NEB: variants seen among roughly 807,000 people sequenced by gnomAD.
NEB encodes the protein nemaline myopathy type 2.
Under a neutral mutation model 952.2 loss-of-function variants are expected in NEB, and 512 were observed. That is an observed-to-expected ratio of 0.54 (90% CI 0.50 to 0.58). The LOEUF is 0.58. Ranked by LOEUF, NEB falls within the 20% of genes least tolerant of loss-of-function variation. NEB has a pLI of 0.00. For missense variants in NEB, 8,428 were observed against 9,231.1 expected, an observed-to-expected ratio of 0.91 and a Z score of 3.56; for synonymous variants, 2,900 against 3,149.8, an observed-to-expected ratio of 0.92 and a Z score of 2.66.
Position 151,655,893 on chromosome 2 carries a change from C to T in NEB, c.6626G>A (p.Ser2209Asn). ...AGTCAGCTTCTTAAACTGGAAGTTG[C>T]TCGGGTGCTGGCGGTATTTCTGATC... ...ASDQKYRQHP[S>N]NFQFKKLTDS... The change falls in exon 50 of 182, where the codon AGC (serine) becomes AAC (asparagine). Residue 2209 changes from serine to asparagine, a missense_variant. Ser to Asn is a conservative substitution (Grantham distance 46). This residue lies in a region of NEB where 2,851 missense variants were observed against 2,791.5 expected (regional missense o/e 1.02). Transcript: ENST00000397345. 2 of 1,613,806 alleles carry T rather than the reference C, an allele frequency of 1.2e-6. No homozygotes were observed. Among genetic ancestry groups the T allele is most frequent in the South Asian group, 2.2e-5 (2 of 91,078 alleles).
At chr2:151,693,402 T>C (rs2099573350) in intron 20 of NEB, among the ~76,000 whole-genome samples, 1 of 152,264 alleles carries the variant, frequency 6.6e-6, no homozygotes, top group Non-Finnish European at 1.5e-5. Context: ...TAGCTATTCT[T>C]CCTGATGTTC....
chr2:151,516,933 T>A (rs1559456491), intron 156 of NEB, among the ~76,000 whole-genome samples: 1 of 152,218 alleles, frequency 6.6e-6, no homozygotes, highest in Admixed American at 6.5e-5. Flanking sequence ...TTATTAATGC[T>A]ATTAGCATTA....
intron 124 of NEB, among the ~76,000 whole-genome samples, chr2:151,556,767 A>G (rs541082708): frequency 3.3e-5 from 3 of 90,316 alleles, no homozygotes; most frequent in African/African-American, 1.2e-4. Flanking sequence ...ATAGTGGGAG[A>G]CTTTAACACC....
In NEB at chr2:151,526,073, G is replaced by A. The variant is rs201732664; in HGVS notation, c.22051-5C>T. 1.9e-6 allele frequency: 3 copies of A among 1,613,458 alleles called. No individual in the cohort carries two copies. Among genetic ancestry groups the A allele is most frequent in the African/African-American group, 1.3e-5 (1 of 75,040 alleles). On this transcript the variant is annotated splice_polypyrimidine_tract_variant and splice_region_variant and intron_variant, in intron 149 of 181. Coordinates refer to ENST00000397345, the MANE Select transcript of NEB (RefSeq NM_001164508.2). ...GACATGGTCCTTGTACTTGTTCTGGGGGAATCCATAGAGAGCTCATTAAGG... is the reference window on the plus strand; with the variant it reads ...GACATGGTCCTTGTACTTGTTCTGGAGGAATCCATAGAGAGCTCATTAAGG...
chr2:151,643,950 C>T lies in NEB; in HGVS notation c.7824G>A (p.Gly2608=). ...TCTGGCACTTCTTGGCCAACACCAC[C>T]CCCAGCATGTCCACTGGGCTGCTGA... ...TKFSSPVDML[G]VVLAKKCQTL... is the part of the protein sequence containing the mutation. The change falls in exon 57 of 182, where the codon GGG becomes GGA. Residue 2608 remains glycine, a synonymous_variant. Coordinates refer to ENST00000397345, the MANE Select transcript of NEB (RefSeq NM_001164508.2). The T allele has an allele frequency of 6.2e-7, 1 of 1,613,884 alleles. No individual in the cohort carries two copies. Among genetic ancestry groups the T allele is most frequent in the Non-Finnish European group, 8.5e-7 (1 of 1,179,820 alleles).
At chr2:151,496,484 G>T (rs1264939859) in intron 172 of NEB, 116 bp from the exon 173 acceptor site, 1 of 1,461,546 alleles carries the variant, frequency 6.8e-7, no homozygotes, top group East Asian at 2.5e-5. Context: ...CAAGGAGCCA[G>T]AAGTTATATG....
intron 56 of NEB, 32 bp from the exon 57 acceptor site, chr2:151,644,161 A>C (rs758678965): frequency 5.6e-6 from 9 of 1,602,000 alleles, no homozygotes; most frequent in African/African-American, 1.3e-5. Context: ...CATTCCTTTC[A>C]AAATTTACTT....
chr2:151,569,285 C>T lies in NEB; in HGVS notation c.17518G>A (p.Ala5840Thr), dbSNP rs376277385. 192 of 1,613,812 alleles carry T rather than the reference C, an allele frequency of 1.2e-4. No homozygotes were observed. Among genetic ancestry groups the T allele is most frequent in the East Asian group, 1.8e-4 (8 of 44,860 alleles). ...TGGAATACCTCACTGAAGATGTCCGCGGCATGTTTGGCATGATTGACGGAC... is the reference window on the plus strand; with the variant it reads ...TGGAATACCTCACTGAAGATGTCCGTGGCATGTTTGGCATGATTGACGGAC... ...SVSVNHAKHA[A>T]DIFSEKKYRT... Residue 5840 changes from alanine to threonine, a missense_variant, in exon 110 of 182, where the codon GCG (alanine) becomes ACG (threonine). Coordinates refer to ENST00000397345, the MANE Select transcript of NEB (RefSeq NM_001164508.2).
chr2:151,609,976 T>G lies in NEB; in HGVS notation c.12163A>C (p.Lys4055Gln), dbSNP rs1403069076. ...TCCACTGGGCTAGAGAACTTGGTTTTCCACTTTTGGAATTCCTTCTTGTAC... is the reference window on the plus strand; with the variant it reads ...TCCACTGGGCTAGAGAACTTGGTTTGCCACTTTTGGAATTCCTTCTTGTAC... ...REYKKEFQKW[K>Q]TKFSSPVDML... Residue 4055 changes from lysine to glutamine, a missense_variant, in exon 81 of 182, where the codon AAA becomes CAA. Physicochemically the swap from Lys to Gln is moderately conservative, Grantham distance 53. Coordinates refer to ENST00000397345, the MANE Select transcript of NEB (RefSeq NM_001164508.2). The G allele has an allele frequency of 6.2e-7, 1 of 1,613,992 alleles. No homozygotes were observed. Among genetic ancestry groups the G allele is most frequent in the African/African-American group, 1.3e-5 (1 of 75,062 alleles).
Position 151,620,771 on chromosome 2 carries a change from C to T in NEB, c.10560+148G>A, listed in dbSNP as rs747225838. 6.9e-6 allele frequency: 4 copies of T among 581,582 alleles called. No homozygotes were observed. The Admixed American group carries it at 9.1e-5, about 13-fold the overall frequency. 36.0% of individuals were successfully genotyped at this position (581,582 alleles called of 1,614,324 possible). A position where few individuals can be genotyped will look rare whatever the true frequency, so the allele number is the denominator to read the frequency against. On this transcript the variant is annotated intron_variant, in intron 72 of 181. Transcript: ENST00000397345. Reference sequence around the variant, plus strand: ...GCTATGCCTCTGTGATGCTTGTGATCTTGGGCAAGTTATCTGTATCTCAAC... The same window carrying T: ...GCTATGCCTCTGTGATGCTTGTGATTTTGGGCAAGTTATCTGTATCTCAAC...
chr2:151,641,381 G>A (rs2098845128), intron 60 of NEB, among the ~76,000 whole-genome samples: 1 of 152,118 alleles, frequency 6.6e-6, no homozygotes, highest in Non-Finnish European at 1.5e-5. Flanking sequence ...GCCCAGGTTG[G>A]AGTGCAGTGG....
chr2:151,490,288 T>A, intron 180 of NEB, 84 bp downstream of exon 180: 3 of 1,487,548 alleles, frequency 2.0e-6, no homozygotes, highest in Admixed American at 2.3e-5. Flanking sequence ...TTTAAATTTG[T>A]TTTTGTACTC....
At position 151,709,738 on chromosome 2, in the gene NEB, T is replaced by C. The variant is rs1402598543; in HGVS notation, c.953A>G (p.Asn318Ser). ...STRKYQEDFE[N>S]MKDQIYFMQT... The stretch of plus-strand genomic sequence containing the variant: ...CATGAAGTAGATCTGGTCTTTCATG[T>C]TTTCAAAATCTTCCTGGTATTTCCT... Residue 318 changes from asparagine (N) to serine (S), a missense_variant, in exon 12 of 182, where the codon AAC (asparagine) becomes AGC (serine). Around this residue, in one of 11 missense-constraint regions of NEB, gnomAD observed 2,851 missense variants for 2,791.5 expected, o/e 1.02. Coordinates refer to ENST00000397345, the MANE Select transcript of NEB (RefSeq NM_001164508.2). 6.2e-7 allele frequency: 1 copy of C among 1,603,284 alleles called. No homozygotes were observed. Among genetic ancestry groups the C allele is most frequent in the Non-Finnish European group, 8.5e-7 (1 of 1,174,134 alleles).
chr2:151,525,075 G>T, intron 151 of NEB, 88 bp downstream of exon 151: 1 of 972,006 alleles, frequency 1.0e-6, no homozygotes, highest in South Asian at 1.4e-5. Flanking sequence ...AGGAATTAGA[G>T]TGACCACACA....
At chr2:151,611,743 C>A (rs2097975462) in intron 78 of NEB, among the ~76,000 whole-genome samples, 1 of 152,176 alleles carries the variant, frequency 6.6e-6, no homozygotes, top group Non-Finnish European at 1.5e-5. Context: ...TGTGGAGGAG[C>A]AACCTGAGCA....
In NEB at chr2:151,617,461, T is replaced by G; in HGVS notation, c.11084A>C (p.Tyr3695Ser). Residue 3695 changes from tyrosine to serine, a missense_variant, in exon 75 of 182, where the codon TAT becomes TCT. Tyr to Ser is a moderately radical substitution (Grantham distance 144). Transcript: ENST00000397345. ...CTTGTCATTGTCCCAGGCTTCAGTATATAAGCGCTACAAAAAAAAAAAAAA... is the reference window on the plus strand; with the variant it reads ...CTTGTCATTGTCCCAGGCTTCAGTAGATAAGCGCTACAAAAAAAAAAAAAA... Reference protein sequence around the residue: ...NNALNMNKRLYTEAWDNDKKT... With the variant: ...NNALNMNKRLSTEAWDNDKKT... 1 of 1,476,896 alleles carries G rather than the reference T, an allele frequency of 6.8e-7. No individual in the cohort carries two copies. Among genetic ancestry groups the G allele is most frequent in the Admixed American group, 2.4e-5 (1 of 42,428 alleles). The allele number at this position is 1,476,896 out of a possible 1,614,324, so 91.5% of individuals were successfully genotyped here.
At chr2:151,504,992 A>C (rs889527657) in intron 165 of NEB, among the ~76,000 whole-genome samples, 1 of 152,174 alleles carries the variant, frequency 6.6e-6, no homozygotes, top group African/African-American at 2.4e-5. Context: ...AAGAGACTTC[A>C]CATGTCTACC....
intron 26 of NEB, 38 bp downstream of exon 26, chr2:151,687,588 A>G: frequency 6.2e-7 from 1 of 1,613,248 alleles, no homozygotes; most frequent in Non-Finnish European, 8.5e-7. Flanking sequence ...CCCCAAGGCC[A>G]CCCTGTCCAG....
Position 151,570,028 on chromosome 2 carries a change from G to A in NEB, c.17430+53C>T, listed in dbSNP as rs2153752032. On this transcript the variant is annotated intron_variant, in intron 109 of 181. Transcript: ENST00000397345. ...AAGGGGTTAGTGTCATAAACTCTCT[G>A]GAAGTCATGGCAAACTGAGAAAAGA... 10 of 1,520,560 alleles carry A rather than the reference G, an allele frequency of 6.6e-6. No homozygotes were observed. In the South Asian group the frequency reaches 1.2e-4, roughly 19 times the overall value. 94.2% of individuals were successfully genotyped at this position (1,520,560 alleles called of 1,614,324 possible). A position where few individuals can be genotyped will look rare whatever the true frequency, so the allele number is the denominator to read the frequency against.
Sources: allele counts gnomAD v4.1 joint callset (sites outside exome capture counted in the v4.1 genomes callset), GRCh38; gene constraint gnomAD v4.1.1; regional missense constraint gnomAD v4.1.1; transcripts MANE v1.5; gene names NCBI Gene and HGNC (gene_info 2026-07-23, HGNC 2026-07-21).